The following CDHR3 variants were observed in gnomAD, a reference collection of about 807,000 sequenced individuals.
CDHR3 encodes the protein cadherin-related family member 3.
Under a neutral mutation model 86.6 loss-of-function variants are expected in CDHR3, and 79 were observed. That is an observed-to-expected ratio of 0.91 (90% CI 0.76 to 1.10). CDHR3 has a LOEUF of 1.10. Among genes scored for constraint, CDHR3 ranks in the 50% least tolerant of loss-of-function variants. CDHR3 has a pLI of 0.00. For missense variants in CDHR3, 1,081 were observed against 1,077.6 expected (o/e 1.00, Z -0.04); for synonymous variants, 421 against 402.4 (o/e 1.05, Z -0.55).
intron 17 of CDHR3, 37 bp downstream of exon 17, chr7:106,028,619 C>A (rs760252327): frequency 9.9e-6 from 16 of 1,612,468 alleles, no homozygotes; most frequent in Non-Finnish European, 1.4e-5. Flanking sequence ...GGCATAGACG[C>A]TGGGGGATAG....
intron 13 of CDHR3, among the ~76,000 whole-genome samples, chr7:106,020,800 A>G (rs1836450761): frequency 1.3e-5 from 2 of 152,088 alleles, no homozygotes; most frequent in Non-Finnish European, 2.9e-5. Context: ...CTGGGGAAGT[A>G]TTTGAATGAG....
intron 13 of CDHR3, 138 bp downstream of exon 13, chr7:106,020,682 T>A: frequency 1.1e-6 from 1 of 926,746 alleles, no homozygotes; most frequent in Non-Finnish European, 1.6e-6. Context: ...TGAGATAGGG[T>A]CTTGCTATGC....
intron 4 of CDHR3, among the ~76,000 whole-genome samples, chr7:105,992,592 C>T (rs1831527159): frequency 6.6e-6 from 1 of 152,188 alleles, no homozygotes; most frequent in Non-Finnish European, 1.5e-5. Context: ...CAGAAAACAC[C>T]TAAATGATCA....
chr7:105,988,963 C>T (rs905758596), intron 4 of CDHR3, among the ~76,000 whole-genome samples: 1 of 152,180 alleles, frequency 6.6e-6, no homozygotes, highest in Admixed American at 6.5e-5. Context: ...TACAGATCAT[C>T]TCCGTGCAGA....
chr7:106,032,461 A>C lies in CDHR3; in HGVS notation c.2422A>C (p.Met808Leu), dbSNP rs772859687. ...AAAGTGGAAAGATCCACTAACCCAA[A>C]TGCCAAAATGGAAAGAGTCCAGCCA... ...ARKWKDPLTQ[M>L]PKWKESSHQG... The change falls in exon 19 of 19, where the codon ATG (methionine) becomes CTG (leucine). Residue 808 changes from methionine (M) to leucine (L), a missense_variant. Met to Leu is a conservative substitution (Grantham distance 15). Coordinates refer to ENST00000317716, the MANE Select transcript of CDHR3 (RefSeq NM_152750.5). 20 of 1,613,814 alleles carry C rather than the reference A, an allele frequency of 1.2e-5. No homozygotes were observed. The African/African-American group carries it at 2.5e-4, about 20-fold the overall frequency.
intron 6 of CDHR3, among the ~76,000 whole-genome samples, chr7:105,997,994 A>T (rs1288175328): frequency 6.6e-6 from 1 of 152,016 alleles, no homozygotes; most frequent in Non-Finnish European, 1.5e-5. Flanking sequence ...CCTTGGATGA[A>T]GGTGAGGGTG....
Position 106,001,474 on chromosome 7 carries a change from G to A in CDHR3, c.726G>A (p.Val242=). The change falls in exon 7 of 19, where the codon GTG becomes GTA. Residue 242 remains valine (V), a synonymous_variant. Transcript: ENST00000317716. The stretch of plus-strand genomic sequence containing the variant: ...ATCTCTGTTCCAGCCCGACACGAGT[G>A]TACACAGTCCTGGAGGAACTGAGTC... ...EVPRFTSPTR[V]YTVLEELSPG... 1.9e-6 allele frequency: 3 copies of A among 1,614,002 alleles called. No individual in the cohort carries two copies. The highest frequency in any genetic ancestry group is 1.1e-5 in the South Asian group (1 of 91,082).
intron 14 of CDHR3, 43 bp from the exon 15 acceptor site, chr7:106,024,338 A>T: frequency 6.4e-7 from 1 of 1,561,098 alleles, no homozygotes. Flanking sequence ...TGTCAAAATC[A>T]CTACCACCCT....
At chr7:105,992,162 A>C (rs1026221144) in intron 4 of CDHR3, among the ~76,000 whole-genome samples, 1 of 152,008 alleles carries the variant, frequency 6.6e-6, no homozygotes, top group East Asian at 1.9e-4. Flanking sequence ...GCCTGTCTGC[A>C]TTCTCTGTAT....
At position 106,018,040 on chromosome 7, in the gene CDHR3, G is replaced by A. The variant is rs1434633443; in HGVS notation, c.1621G>A (p.Ala541Thr). 2 of 1,613,722 alleles carry A rather than the reference G, an allele frequency of 1.2e-6. No homozygotes were observed. The highest frequency in any genetic ancestry group is 2.7e-5 in the African/African-American group (2 of 74,880). Residue 541 changes from alanine to threonine, a missense_variant, in exon 12 of 19, where the codon GCC becomes ACC. Coordinates refer to ENST00000317716, the MANE Select transcript of CDHR3 (RefSeq NM_152750.5). ...CCCCATCTATATTCTCAGAATCCAG[G>A]CCACCAACAACGAAGACACAAGCTC... is the stretch of plus-strand genomic sequence containing the variant. ...TTPIYILRIQ[A>T]TNNEDTSSVT... is the part of the protein sequence containing the mutation.
In CDHR3 at chr7:106,004,497, G is replaced by GTGA. The variant is rs1833658620; in HGVS notation, c.863_865dup (p.Leu288_Thr289insMet). 2 of 1,613,108 alleles carry GTGA rather than the reference G, an allele frequency of 1.2e-6. No homozygotes were observed. Among genetic ancestry groups the GTGA allele is most frequent in the African/African-American group, 2.7e-5 (2 of 74,854 alleles). On this transcript the variant is annotated inframe_insertion and splice_region_variant. Transcript: ENST00000317716. The stretch of plus-strand genomic sequence containing the variant: ...TCACGTTCTAACCTTTGCTTTCTCA[G>GTGA]TGACTGGTACAATCCAAGTGGCCCA...
At chr7:106,014,748 A>C (rs1835324197) in intron 9 of CDHR3, among the ~76,000 whole-genome samples, 1 of 152,248 alleles carries the variant, frequency 6.6e-6, no homozygotes, top group Admixed American at 6.5e-5. Flanking sequence ...TGAAACTGTC[A>C]AAAGCAAAAC....
chr7:105,982,404 G>T (rs1829886135), intron 3 of CDHR3, among the ~76,000 whole-genome samples: 1 of 147,420 alleles, frequency 6.8e-6, no homozygotes, highest in African/African-American at 2.5e-5. Context: ...GGGAGGTGGA[G>T]CTTGCAGTGA....
At position 105,969,680 on chromosome 7, in the gene CDHR3, G is replaced by A. The variant is rs140233562; in HGVS notation, c.47-5164G>A. 2.7e-3 allele frequency among the ~76,000 whole-genome samples: 411 copies of A among 152,248 alleles called. 2 individuals carry two copies. The highest frequency in any genetic ancestry group is 0.014 in the South Asian group (69 of 4,826). On this transcript the variant is annotated intron_variant, in intron 1 of 18. Transcript: ENST00000317716. ...CTGATCCAAGACAGTGCATTCTTCCGTCCCATAGAGAAAAGACAACAGTAA... is the reference window on the plus strand; with the variant it reads ...CTGATCCAAGACAGTGCATTCTTCCATCCCATAGAGAAAAGACAACAGTAA...
chr7:106,016,112 G>C (rs1004001860), intron 11 of CDHR3, 87 bp downstream of exon 11: 1 of 796,874 alleles, frequency 1.3e-6, no homozygotes, highest in Non-Finnish European at 2.1e-6. Flanking sequence ...CTCCCTTCTG[G>C]AGGCCTCGCA....
chr7:105,975,104 G>A, intron 2 of CDHR3, 58 bp downstream of exon 2: 1 of 1,353,298 alleles, frequency 7.4e-7, no homozygotes, highest in Non-Finnish European at 1.1e-6. Flanking sequence ...CTGAAAATGA[G>A]GGTGGATGGG....
intron 8 of CDHR3, among the ~76,000 whole-genome samples, chr7:106,008,667 A>G (rs1834313287): frequency 6.6e-6 from 1 of 152,098 alleles, no homozygotes; most frequent in African/African-American, 2.4e-5. Context: ...TGACTTCCAC[A>G]CCTTTACGTG....
intron 5 of CDHR3, 80 bp downstream of exon 5, chr7:105,994,925 C>A (rs1831951857): frequency 1.4e-5 from 16 of 1,156,722 alleles, no homozygotes; most frequent in Non-Finnish European, 1.8e-5. Context: ...CACAGTGCAA[C>A]CTGAGGGCAG....
chr7:106,022,433 CA>C lies in CDHR3; in HGVS notation c.2062del (p.Thr688ProfsTer13). 1 of 1,613,830 alleles carries C rather than the reference CA, an allele frequency of 6.2e-7. No homozygotes were observed. Among genetic ancestry groups the C allele is most frequent in the South Asian group, 1.1e-5 (1 of 91,062 alleles). On this transcript the variant is annotated frameshift_variant, in exon 14 of 19. Coordinates refer to ENST00000317716, the MANE Select transcript of CDHR3 (RefSeq NM_152750.5). LOFTEE classifies it high-confidence loss of function. ...KVIPHPTTII[T>X]TTPRPRVTYQ... The stretch of plus-strand genomic sequence containing the variant: ...TCATTCCCCACCCAACCACTATCAT[CA>C]CCACGACCCCCAGGGTAAGGGCTTT...
Sources: allele counts gnomAD v4.1 joint callset (sites outside exome capture counted in the v4.1 genomes callset), GRCh38; gene constraint gnomAD v4.1.1; transcripts MANE v1.5; gene names NCBI Gene and HGNC (gene_info 2026-07-23, HGNC 2026-07-21).